Variants in DNAH12 observed in about 807,000 individuals in gnomAD.
DNAH12 encodes dynein axonemal heavy chain 12.
In DNAH12, 285 loss-of-function variants were observed where a neutral mutation model predicts 371.5. That is an observed-to-expected ratio of 0.77 (90% confidence interval 0.70 to 0.85). The LOEUF is 0.85. DNAH12 is among the 40% of genes least tolerant of loss of function. The pLI is 0.00. For synonymous variants in DNAH12, 1,200 were observed against 1,213.0 expected, an observed-to-expected ratio of 0.99 and a Z score of 0.22; for missense variants, 3,611 against 3,689.4, an observed-to-expected ratio of 0.98 and a Z score of 0.55.
chr3:57,440,752 CCAAGG>C, intron 29 of DNAH12, among the ~76,000 whole-genome samples: 1 of 152,090 alleles, frequency 6.6e-6, no homozygotes, highest in African/African-American at 2.4e-5. Context: ...CTTTGGGAGG[CCAAGG>C]TGAGTGGATG....
At chr3:57,492,990 G>A (rs1215552978) in intron 11 of DNAH12, among the ~76,000 whole-genome samples, 3 of 144,844 alleles carry the variant, frequency 2.1e-5, no homozygotes, top group African/African-American at 7.8e-5. Flanking sequence ...GGGCGACAGG[G>A]CGAAACTCCA....
intron 59 of DNAH12, among the ~76,000 whole-genome samples, chr3:57,352,808 G>T (rs2062710628): frequency 6.6e-6 from 1 of 152,070 alleles, no homozygotes. Context: ...GCATGAAAAG[G>T]TCAGGCGCAG....
At chr3:57,509,000 T>A (rs1269827330) in intron 6 of DNAH12, 140 bp downstream of exon 6, 4 of 731,628 alleles carry the variant, frequency 5.5e-6, no homozygotes, top group Non-Finnish European at 9.0e-6. Context: ...ACCTCTGAGG[T>A]AAAAACAAGA....
intron 58 of DNAH12, among the ~76,000 whole-genome samples, chr3:57,359,860 T>C (rs1222012904): frequency 6.6e-6 from 1 of 152,136 alleles, no homozygotes; most frequent in African/African-American, 2.4e-5. Context: ...TCCCTGAAGA[T>C]GTTTTTTCTT....
chr3:57,400,331 GTTGT>G (rs2063832101), intron 43 of DNAH12, among the ~76,000 whole-genome samples: 1 of 152,070 alleles, frequency 6.6e-6, no homozygotes, highest in Non-Finnish European at 1.5e-5. Context: ...GGGGGTTGGT[GTTGT>G]TTAAGGGTCA....
chr3:57,322,942 C>T, intron 64 of DNAH12, 65 bp downstream of exon 64: 1 of 1,508,210 alleles, frequency 6.6e-7, no homozygotes, highest in Non-Finnish European at 8.9e-7. Flanking sequence ...AACAAACAAA[C>T]AAAACAAATA....
intron 65 of DNAH12, among the ~76,000 whole-genome samples, chr3:57,319,006 G>A (rs1368479878): frequency 6.6e-6 from 1 of 151,780 alleles, no homozygotes; most frequent in African/African-American, 2.4e-5. Flanking sequence ...CATGAACATG[G>A]GATATTTTTC....
At chr3:57,483,666 C>T (rs1385720196) in intron 12 of DNAH12, among the ~76,000 whole-genome samples, 155 bp from the exon 13 acceptor site, 1 of 151,908 alleles carries the variant, frequency 6.6e-6, no homozygotes, top group Non-Finnish European at 1.5e-5. Flanking sequence ...TTAAGCTTGG[C>T]CAGGCACAGT....
chr3:57,458,246 C>T (rs762162629), intron 20 of DNAH12, 26 bp from the exon 21 acceptor site: 1 of 1,527,752 alleles, frequency 6.5e-7, no homozygotes, highest in Non-Finnish European at 8.8e-7. Context: ...GCATTCAAGT[C>T]AGCACTTTTA....
chr3:57,480,310 A>C (rs1298827268), intron 13 of DNAH12, among the ~76,000 whole-genome samples: 11 of 152,188 alleles, frequency 7.2e-5, no homozygotes, highest in African/African-American at 2.7e-4. Flanking sequence ...CAAATAAACT[A>C]GAAAATCTAG....
intron 11 of DNAH12, among the ~76,000 whole-genome samples, chr3:57,493,468 C>T (rs562693059): frequency 6.6e-6 from 1 of 152,204 alleles, no homozygotes; most frequent in East Asian, 1.9e-4. Flanking sequence ...ATTTTGATAT[C>T]TATACAGGGG....
chr3:57,353,167 T>A (rs960208940), intron 59 of DNAH12, among the ~76,000 whole-genome samples: 1 of 152,206 alleles, frequency 6.6e-6, no homozygotes, highest in African/African-American at 2.4e-5. Flanking sequence ...ATACTCTTTA[T>A]ACTCTCATAT....
At position 57,302,532 on chromosome 3, in the gene DNAH12, TATATATATATATATATATA is replaced by T. The variant is rs2061371104; in HGVS notation, c.11190-612_11190-594del. ...TGAATTAACTAAGGCATCAGGTGTA[TATATATATATATATATATA>T]TATATATATATATGTATTTTTTTTT... is the stretch of plus-strand genomic sequence containing the variant. On this transcript the variant is annotated intron_variant, in intron 69 of 73. Transcript: ENST00000495027. 5.8e-4 allele frequency among the ~76,000 whole-genome samples: 22 copies of T among 37,862 alleles called. 1 individual carries two copies. The highest frequency in any genetic ancestry group is 3.4e-3 in the South Asian group (2 of 594). The allele number at this position is 37,862 out of a possible 152,430, so 24.8% of individuals were successfully genotyped here.
chr3:57,398,618 T>G (rs1303429822), intron 43 of DNAH12, among the ~76,000 whole-genome samples: 2 of 152,118 alleles, frequency 1.3e-5, no homozygotes, highest in African/African-American at 4.8e-5. Flanking sequence ...AGCACAAATT[T>G]TACAGACCAG....
chr3:57,437,021 T>G lies in DNAH12; in HGVS notation c.4585A>C (p.Asn1529His). The G allele has an allele frequency of 1.3e-6, 2 of 1,515,038 alleles. No individual in the cohort carries two copies. The highest frequency in any genetic ancestry group is 1.8e-6 in the Non-Finnish European group (2 of 1,137,844). The allele number at this position is 1,515,038 out of a possible 1,614,324, so 93.8% of individuals were successfully genotyped here. A position where few individuals can be genotyped will look rare whatever the true frequency, so the allele number is the denominator to read the frequency against. The change falls in exon 30 of 74, where the codon AAT becomes CAT. Residue 1529 changes from asparagine to histidine, a missense_variant. By Grantham distance (68) the Asn-to-His change is moderately conservative (BLOSUM62 1). Coordinates refer to ENST00000495027, the MANE Select transcript of DNAH12 (RefSeq NM_001366028.2). ...ECAHEACNVH[N>H]LQPVKFFLEK... ...AGAAAAAATTTAACAGGCTGAAGAT[T>G]ATGTACATTGCAGGCTTCATGAGCA...
chr3:57,415,708 AAGAC>A (rs952788568), intron 37 of DNAH12, 144 bp from the exon 38 acceptor site: 24 of 755,642 alleles, frequency 3.2e-5, no homozygotes, highest in Middle Eastern at 7.9e-4. Context: ...TATTTCATGA[AAGAC>A]AGATAAAAGT....
chr3:57,537,553 C>T (rs1337636653), intron 2 of DNAH12, among the ~76,000 whole-genome samples: 1 of 152,158 alleles, frequency 6.6e-6, no homozygotes, highest in Admixed American at 6.5e-5. Flanking sequence ...AGTCTGCGCT[C>T]CTGTCATCTA....
chr3:57,341,034 A>C (rs1026942469), intron 60 of DNAH12, among the ~76,000 whole-genome samples: 1 of 152,230 alleles, frequency 6.6e-6, no homozygotes, highest in Admixed American at 6.5e-5. Context: ...GACAAAAACA[A>C]CACGATCATC....
intron 25 of DNAH12, among the ~76,000 whole-genome samples, chr3:57,451,082 A>G: frequency 6.6e-6 from 1 of 152,280 alleles, no homozygotes; most frequent in South Asian, 2.1e-4. Flanking sequence ...TTGAAACCAC[A>G]TCTTTGCTTA....
Sources: allele counts gnomAD v4.1 joint callset (sites outside exome capture counted in the v4.1 genomes callset), GRCh38; gene constraint gnomAD v4.1.1; transcripts MANE v1.5; gene names NCBI Gene and HGNC (gene_info 2026-07-23, HGNC 2026-07-21).